The following PTPRG variants were observed in gnomAD, a reference collection of about 807,000 sequenced individuals.
PTPRG encodes the protein receptor-type tyrosine-protein phosphatase gamma.
A neutral mutation model predicts 165.3 loss-of-function variants in PTPRG; 102 were observed. The ratio of observed to expected loss-of-function variants is 0.62; its 90% CI spans 0.53 to 0.73. The LOEUF is 0.73. Ranked by LOEUF, PTPRG falls within the 30% of genes least tolerant of loss-of-function variation. The pLI is 0.00. For synonymous variants in PTPRG, 675 were observed against 669.5 expected (o/e 1.01, Z -0.13); for missense variants, 1,866 against 1,861.4 (o/e 1.00, Z -0.05).
At chr3:61,775,115 G>A (rs762394284) in intron 2 of PTPRG, among the ~76,000 whole-genome samples, 33 of 152,144 alleles carry the variant, frequency 2.2e-4, no homozygotes, top group Non-Finnish European at 2.9e-4. Flanking sequence ...CTGTCTCCCA[G>A]ACTGGAGTGC....
intron 1 of PTPRG, among the ~76,000 whole-genome samples, chr3:61,655,485 T>G (rs1422962815): frequency 6.6e-6 from 1 of 152,208 alleles, no homozygotes. Flanking sequence ...AGTATTATAA[T>G]TGACACATCT....
In PTPRG at chr3:62,064,504, C is replaced by CCT. The variant is rs1700938070; in HGVS notation, c.520-13659_520-13658insCT. ...ATTAGTGCCTAATTTCTTCCTTCCC[C>CCT]TCCGTAGGTTCTACCATTCTCCTAT... On this transcript the variant is annotated intron_variant, in intron 4 of 29. Transcript: ENST00000474889. Among the ~76,000 whole-genome samples, 3 of 152,002 alleles carry CCT rather than the reference C, an allele frequency of 2.0e-5. No homozygotes were observed. The South Asian group carries it at 6.2e-4, about 32-fold the overall frequency.
At chr3:61,695,571 T>G (rs2030525170) in intron 1 of PTPRG, among the ~76,000 whole-genome samples, 1 of 152,242 alleles carries the variant, frequency 6.6e-6, no homozygotes, top group East Asian at 1.9e-4. Flanking sequence ...GGGTCCAACT[T>G]CATACACCTC....
At chr3:61,732,933 C>T (rs549110652) in intron 1 of PTPRG, among the ~76,000 whole-genome samples, 5 of 152,194 alleles carry the variant, frequency 3.3e-5, no homozygotes, top group African/African-American at 4.8e-5. Flanking sequence ...ATAATGCCTT[C>T]CTGTGTAGGC....
rs1338006948 is a variant in PTPRG, at chr3:62,255,550, T to C, written c.2559+335T>C. On this transcript the variant is annotated intron_variant, in intron 16 of 29. Transcript: ENST00000474889. This position sits in a 1 kb window ranked among gnomAD's most constrained non-coding sequence, Gnocchi z 4.0. ...CATAACACAAGGCTCCCTAATTCCA[T>C]GTCTTTTCTGCAATGCACATGGTAT... 6.6e-6 allele frequency among the ~76,000 whole-genome samples: 1 copy of C among 152,126 alleles called. No homozygotes were observed. Among genetic ancestry groups the C allele is most frequent in the Non-Finnish European group, 1.5e-5 (1 of 68,026 alleles).
rs190157813 is a variant in PTPRG at position 61,944,005 on chromosome 3, A to G, written c.191-45620A>G. Among the ~76,000 whole-genome samples the G allele has an allele frequency of 1.2e-4, 19 of 152,306 alleles. No individual in the cohort carries two copies. In the East Asian group the frequency reaches 3.5e-3, roughly 28 times the overall value. On this transcript the variant is annotated intron_variant, in intron 2 of 29. Coordinates refer to ENST00000474889, the MANE Select transcript of PTPRG (RefSeq NM_002841.4). Reference sequence around the variant, plus strand: ...TTTTTTCGTTGAATATATATTGAGCAGGTGCTATATGCCTTGGTTCCAGCA... The same window carrying G: ...TTTTTTCGTTGAATATATATTGAGCGGGTGCTATATGCCTTGGTTCCAGCA...
At chr3:62,262,959 C>G (rs1425313709) in intron 17 of PTPRG, 65 bp downstream of exon 17, 1 of 1,244,602 alleles carries the variant, frequency 8.0e-7, no homozygotes, top group African/African-American at 1.5e-5. Flanking sequence ...TGGGTATAAG[C>G]TGAAAGCCAA....
intron 2 of PTPRG, among the ~76,000 whole-genome samples, chr3:61,948,479 C>T (rs936367596): frequency 5.9e-5 from 9 of 152,156 alleles, no homozygotes; most frequent in Non-Finnish European, 1.0e-4. Flanking sequence ...AAATTTCTTT[C>T]TTCATGAAGC....
At chr3:61,990,652 G>T (rs2040862146) in intron 3 of PTPRG, among the ~76,000 whole-genome samples, 1 of 152,060 alleles carries the variant, frequency 6.6e-6, no homozygotes, top group African/African-American at 2.4e-5. Flanking sequence ...TGCTACCTGG[G>T]GTTCTGTTGA....
intron 2 of PTPRG, among the ~76,000 whole-genome samples, chr3:61,906,778 TGTAGGTAGGTAGGTAGGTAGGTAGGTAG>T (rs71123239): frequency 1.8e-4 from 27 of 146,856 alleles, no homozygotes; most frequent in African/African-American, 4.8e-4. Context: ...AGTGAGACCC[TGTAGGTAGGTAGGTAGGTAGGTAGGTAG>T]GTAGGTAGGT....
intron 1 of PTPRG, among the ~76,000 whole-genome samples, chr3:61,727,937 T>C (rs141008790): frequency 5.9e-5 from 9 of 152,352 alleles, no homozygotes; most frequent in Non-Finnish European, 1.5e-5. Context: ...GGAAGGCTGG[T>C]CTACCTGTTT....
At chr3:62,236,896 G>A (rs1300740105) in intron 14 of PTPRG, among the ~76,000 whole-genome samples, 5 of 152,166 alleles carry the variant, frequency 3.3e-5, no homozygotes, top group African/African-American at 9.7e-5. Flanking sequence ...GTGGGTGTAC[G>A]TGTTGACCCA....
At chr3:61,999,697 C>G (rs1180817720) in intron 3 of PTPRG, among the ~76,000 whole-genome samples, 2 of 152,024 alleles carry the variant, frequency 1.3e-5, no homozygotes, top group Admixed American at 6.5e-5. Flanking sequence ...AAAGAAAACT[C>G]TTTATCAACA....
intron 8 of PTPRG, among the ~76,000 whole-genome samples, chr3:62,180,871 C>A (rs1705618797): frequency 1.3e-5 from 2 of 152,314 alleles, no homozygotes; most frequent in South Asian, 2.1e-4. Context: ...AGTGCTTGAA[C>A]TGGAGAATTG....
At chr3:61,696,235 C>A (rs924262062) in intron 1 of PTPRG, among the ~76,000 whole-genome samples, 8 of 152,184 alleles carry the variant, frequency 5.3e-5, no homozygotes, top group African/African-American at 1.7e-4. Context: ...GGCGCGGTGA[C>A]TCACGCCTAT....
intron 1 of PTPRG, among the ~76,000 whole-genome samples, chr3:61,567,164 G>T (rs563538497): frequency 6.6e-6 from 1 of 152,098 alleles, no homozygotes; most frequent in Non-Finnish European, 1.5e-5. Context: ...AGAATAAAAG[G>T]GCTGTTTTAT....
At position 61,653,505 on chromosome 3, in the gene PTPRG, G is replaced by A. The variant is rs565671459; in HGVS notation, c.85+91133G>A. Among the ~76,000 whole-genome samples, 14 of 151,548 alleles carry A rather than the reference G, an allele frequency of 9.2e-5. No homozygotes were observed. The East Asian group carries it at 2.3e-3, about 25-fold the overall frequency. On this transcript the variant is annotated intron_variant, in intron 1 of 29. Coordinates refer to ENST00000474889, the MANE Select transcript of PTPRG (RefSeq NM_002841.4). ...TCTAAATAATGCTTTTAGTCCTCAC[G>A]TATTTATGTACATGAGACTGTATGC...
At chr3:62,277,794 A>C in intron 26 of PTPRG, 115 bp downstream of exon 26, 1 of 1,308,076 alleles carries the variant, frequency 7.6e-7, no homozygotes, top group Non-Finnish European at 1.0e-6. Context: ...GGGAATTTAA[A>C]ATTTTTAAAT....
intron 1 of PTPRG, among the ~76,000 whole-genome samples, chr3:61,675,471 A>G (rs1471033066): frequency 6.7e-6 from 1 of 148,850 alleles, no homozygotes; most frequent in African/African-American, 2.5e-5. Flanking sequence ...TGATTAAAAC[A>G]TATCAGCCAG....
Sources: gnomAD v4.1 joint callset for allele counts (sites outside exome capture counted in the v4.1 genomes callset) on GRCh38, gnomAD v4.1.1 for gene constraint, Gnocchi (gnomAD v3.1) non-coding constraint, MANE v1.5 for transcripts, NCBI Gene and HGNC (gene_info 2026-07-23, HGNC 2026-07-21) for gene names.